Variants in NSMCE4A observed in about 807,000 individuals in gnomAD.
NSMCE4A encodes the protein non-structural maintenance of chromosomes element 4 homolog A.
In NSMCE4A, 40 loss-of-function variants were observed where a neutral mutation model predicts 47.9. That is an observed-to-expected ratio of 0.83 (90% CI 0.65 to 1.09). The LOEUF (loss-of-function observed/expected upper bound fraction) is 1.09, where lower values mean the gene tolerates loss of function less well. Among genes scored for constraint, NSMCE4A ranks in the 50% least tolerant of loss-of-function variants. NSMCE4A has a pLI of 0.00. For synonymous variants in NSMCE4A, 166 were observed against 178.5 expected (o/e 0.93, Z 0.56); for missense variants, 500 against 507.0 (o/e 0.99, Z 0.13).
At chr10:121,970,225 C>T (rs567881616) in intron 3 of NSMCE4A, among the ~76,000 whole-genome samples, 1 of 151,984 alleles carries the variant, frequency 6.6e-6, no homozygotes, top group Admixed American at 6.5e-5. Context: ...GTAATCCCAG[C>T]ACTTTGGGAA....
At chr10:121,963,645 T>C (rs72839622) in intron 5 of NSMCE4A, among the ~76,000 whole-genome samples, 5,028 of 147,960 alleles carry the variant, frequency 0.034, 181 homozygotes, top group Admixed American at 0.11. Flanking sequence ...ACCTGGCTAA[T>C]TAAAAAAAAT....
Position 121,960,265 on chromosome 10 carries a change from T to C in NSMCE4A, c.988+93A>G, listed in dbSNP as rs566521867. The C allele has an allele frequency of 1.3e-5, 11 of 835,440 alleles. No homozygotes were observed. Among genetic ancestry groups the C allele is most frequent in the Admixed American group, 3.9e-5 (1 of 25,904 alleles). 51.8% of individuals were successfully genotyped at this position (835,440 alleles called of 1,614,324 possible). A position where few individuals can be genotyped will look rare whatever the true frequency, so the allele number is the denominator to read the frequency against. On this transcript the variant is annotated intron_variant, in intron 8 of 10. Transcript: ENST00000369023. This position sits in a 1 kb window ranked among gnomAD's most constrained non-coding sequence, Gnocchi z 4.2. The stretch of plus-strand genomic sequence containing the variant: ...ACAATATTGTAAAAGTTAATCTACA[T>C]TGAAAATTCATTTACATTTAGTAAA...
intron 4 of NSMCE4A, chr10:121,966,887 T>A (rs994883182): frequency 1.3e-5 from 2 of 152,230 alleles, no homozygotes; most frequent in Admixed American, 6.5e-5. Context: ...ATCTTTTTTT[T>A]AAATCAGAGT....
chr10:121,971,207 TCTC>T (rs1255272168), intron 2 of NSMCE4A, 138 bp from the exon 3 acceptor site: 38 of 792,592 alleles, frequency 4.8e-5, no homozygotes, highest in South Asian at 2.0e-4. Context: ...AACTGACACA[TCTC>T]CTTCTAAAAC....
At chr10:121,964,643 T>C (rs1192551346) in intron 5 of NSMCE4A, among the ~76,000 whole-genome samples, 4 of 151,440 alleles carry the variant, frequency 2.6e-5, no homozygotes, top group Admixed American at 6.6e-5. Flanking sequence ...GGTTTCCCCG[T>C]ATTGGCCGGG....
At chr10:121,969,665 G>A (rs1952670677) in intron 3 of NSMCE4A, among the ~76,000 whole-genome samples, 1 of 152,284 alleles carries the variant, frequency 6.6e-6, no homozygotes, top group African/African-American at 2.4e-5. Context: ...TCATACTGAG[G>A]TGCAGCTATC....
Position 121,975,022 on chromosome 10 carries a change from C to G in NSMCE4A, c.144G>C (p.Glu48Asp). The G allele has an allele frequency of 6.7e-7, 1 of 1,497,656 alleles. No individual in the cohort carries two copies. Among genetic ancestry groups the G allele is most frequent in the African/African-American group, 1.5e-5 (1 of 68,630 alleles). 92.8% of individuals were successfully genotyped at this position (1,497,656 alleles called of 1,614,324 possible). The change falls in exon 1 of 11, where the codon GAG becomes GAC. Residue 48 changes from glutamate to aspartate, a missense_variant. Transcript: ENST00000369023. ...SRRGSARERR[E>D]APERPSLEDT... ...CCTCCAGGCTCGGGCGCTCTGGGGC[C>G]TCTCTGCGCTCCCGCGCAGAGCCGC...
In NSMCE4A at chr10:121,960,820, A is replaced by G. The variant is rs537502125; in HGVS notation, c.940-414T>C. On this transcript the variant is annotated intron_variant, in intron 7 of 10. Transcript: ENST00000369023. This position sits in a 1 kb window ranked among gnomAD's most constrained non-coding sequence, Gnocchi z 4.2. ...AAGGTTATAATCAAATTCATCTTACATGTGGGAATGCAACCTGAAGTAAGA... is the reference window on the plus strand; with the variant it reads ...AAGGTTATAATCAAATTCATCTTACGTGTGGGAATGCAACCTGAAGTAAGA... Among the ~76,000 whole-genome samples, 2 of 152,314 alleles carry G rather than the reference A, an allele frequency of 1.3e-5. No homozygotes were observed.
chr10:121,971,311 C>G (rs1952705790), intron 2 of NSMCE4A, among the ~76,000 whole-genome samples: 2 of 152,208 alleles, frequency 1.3e-5, no homozygotes, highest in African/African-American at 4.8e-5. Flanking sequence ...GAGATCGAGA[C>G]CATCCTGGCT....
rs753469034 is a variant in NSMCE4A at position 121,967,685 on chromosome 10, G to A, written c.623C>T (p.Thr208Ile). 11 of 1,612,646 alleles carry A rather than the reference G, an allele frequency of 6.8e-6. No individual in the cohort carries two copies. Among genetic ancestry groups the A allele is most frequent in the African/African-American group, 1.3e-5 (1 of 74,844 alleles). ...WKITGRTAEN[T>I]FNKTHTFHFL... ...GTGGAATGTATGGGTTTTATTAAAGGTGTTTTCTGCTGTTCTGCCTGTTAT... is the reference window on the plus strand; with the variant it reads ...GTGGAATGTATGGGTTTTATTAAAGATGTTTTCTGCTGTTCTGCCTGTTAT... The change falls in exon 4 of 11, where the codon ACC becomes ATC. Residue 208 changes from threonine (T) to isoleucine (I), a missense_variant. Physicochemically the swap from Thr to Ile is moderately conservative, Grantham distance 89 (BLOSUM62 -1). Transcript: ENST00000369023.
At chr10:121,969,709 A>G (rs994199325) in intron 3 of NSMCE4A, among the ~76,000 whole-genome samples, 25 of 152,262 alleles carry the variant, frequency 1.6e-4, no homozygotes, top group African/African-American at 6.0e-4. Flanking sequence ...AGATTGACAG[A>G]TTGACTGATT....
chr10:121,960,188 A>G lies in NSMCE4A; in HGVS notation c.988+170T>C. On this transcript the variant is annotated intron_variant, in intron 8 of 10. Coordinates refer to ENST00000369023, the MANE Select transcript of NSMCE4A (RefSeq NM_017615.3). The surrounding 1 kb of genome is among the most constrained non-coding windows in gnomAD (Gnocchi z 4.2). ...ATCAATGATATAGATGAATCCATCA[A>G]AATTTTAGACGCTGGCCATGTTTTC... The G allele has an allele frequency of 2.2e-6, 1 of 447,044 alleles. No individual in the cohort carries two copies. 27.7% of individuals were successfully genotyped at this position (447,044 alleles called of 1,614,324 possible). A position where few individuals can be genotyped will look rare whatever the true frequency, so the allele number is the denominator to read the frequency against.
In NSMCE4A at chr10:121,971,051, G is replaced by C; in HGVS notation, c.389C>G (p.Ala130Gly). The C allele has an allele frequency of 6.2e-7, 1 of 1,612,780 alleles. No individual in the cohort carries two copies. Among genetic ancestry groups the C allele is most frequent in the South Asian group, 1.1e-5 (1 of 90,864 alleles). ...LFNEVSRARE[A>G]VLDAHFLVLA... ...AACAAGAAAGTGGGCATCCAGGACTGCTTCTCTTGCTCGGGACACTATTCA... is the reference window on the plus strand; with the variant it reads ...AACAAGAAAGTGGGCATCCAGGACTCCTTCTCTTGCTCGGGACACTATTCA... Residue 130 changes from alanine (A) to glycine (G), a missense_variant, in exon 3 of 11, where the codon GCA (alanine) becomes GGA (glycine). Transcript: ENST00000369023.
chr10:121,967,873 T>C lies in NSMCE4A; in HGVS notation c.502-67A>G, dbSNP rs999206374. ...TGCAATCATTTTCCACATCCAATAA[T>C]CCGCATCACTCAACCTTTAAGAGGC... On this transcript the variant is annotated intron_variant, in intron 3 of 10. Transcript: ENST00000369023. The C allele has an allele frequency of 1.4e-5, 21 of 1,515,472 alleles. No individual in the cohort carries two copies. The East Asian group carries it at 4.6e-4, about 33-fold the overall frequency. 93.9% of individuals were successfully genotyped at this position (1,515,472 alleles called of 1,614,324 possible). A position where few individuals can be genotyped will look rare whatever the true frequency, so the allele number is the denominator to read the frequency against.
At chr10:121,966,359 A>G (rs1952606858) in intron 4 of NSMCE4A, 1 of 152,246 alleles carries the variant, frequency 6.6e-6, no homozygotes, top group Admixed American at 6.5e-5. Context: ...ACAAAGACAC[A>G]GAGTTTTAAG....
In NSMCE4A at chr10:121,960,046, G is replaced by T; in HGVS notation, c.988+312C>A. 1 of 280,188 alleles carries T rather than the reference G, an allele frequency of 3.6e-6. No individual in the cohort carries two copies. The allele number at this position is 280,188 out of a possible 1,614,324, so 17.4% of individuals were successfully genotyped here. A position where few individuals can be genotyped will look rare whatever the true frequency, so the allele number is the denominator to read the frequency against. On this transcript the variant is annotated intron_variant, in intron 8 of 10. Transcript: ENST00000369023. This position sits in a 1 kb window ranked among gnomAD's most constrained non-coding sequence, Gnocchi z 4.2. ...AAGAGAAAAGAAGGTGCCGGCATCT[G>T]ACAAAACGTGATTAGAAAGAGGGAT...
intron 6 of NSMCE4A, among the ~76,000 whole-genome samples, chr10:121,962,287 C>T (rs1952515702): frequency 6.6e-6 from 1 of 151,430 alleles, no homozygotes; most frequent in Non-Finnish European, 1.5e-5. Context: ...GGCGTGGTGG[C>T]GGGTGCCTGT....
intron 5 of NSMCE4A, among the ~76,000 whole-genome samples, chr10:121,964,267 A>G (rs1404325661): frequency 6.8e-6 from 1 of 147,702 alleles, no homozygotes; most frequent in East Asian, 2.0e-4. Context: ...CTCAGCCTCC[A>G]GAGTAGCTGG....
At chr10:121,974,582 CCT>C in intron 1 of NSMCE4A, 1 of 1,037,324 alleles carries the variant, frequency 9.6e-7, no homozygotes, top group Non-Finnish European at 1.2e-6. Flanking sequence ...CCGCGTCCTG[CCT>C]CTCCCCACTG....
Sources: gnomAD v4.1 joint callset for allele counts (sites outside exome capture counted in the v4.1 genomes callset) on GRCh38, gnomAD v4.1.1 for gene constraint, Gnocchi (gnomAD v3.1) non-coding constraint, MANE v1.5 for transcripts, NCBI Gene and HGNC (gene_info 2026-07-23, HGNC 2026-07-21) for gene names.